DIAPH1: variants seen among roughly 807,000 people sequenced by gnomAD.
DIAPH1 encodes diaphanous related formin 1.
DIAPH1 carries 46 observed loss-of-function variants against 140.7 expected under a neutral mutation model. The observed-to-expected ratio is 0.33, with a 90% CI of 0.26 to 0.42. The LOEUF (loss-of-function observed/expected upper bound fraction) is 0.42. Among genes scored for constraint, DIAPH1 ranks in the 10% least tolerant of loss-of-function variants. The pLI, the probability that DIAPH1 is intolerant of heterozygous loss-of-function variation, is 1.00. For synonymous variants in DIAPH1, 565 were observed against 551.6 expected, an observed-to-expected ratio of 1.02 and a Z score of -0.34; for missense variants, 1,310 against 1,558.7, an observed-to-expected ratio of 0.84 and a Z score of 2.69.
chr5:141,550,525 T>C (rs938097884), intron 18 of DIAPH1: 1 of 154,382 alleles, frequency 6.5e-6, no homozygotes, highest in Non-Finnish European at 1.5e-5. Flanking sequence ...AAATCCAAAC[T>C]AGGTAAAGTC....
At chr5:141,547,246 A>G (rs1310092096) in intron 18 of DIAPH1, among the ~76,000 whole-genome samples, 1 of 152,218 alleles carries the variant, frequency 6.6e-6, no homozygotes, top group Non-Finnish European at 1.5e-5. Context: ...CGGGCGGATC[A>G]TGAGGTCAGG....
At position 141,591,695 on chromosome 5, in the gene DIAPH1, GATATATAT is replaced by G. The variant is rs56117502; in HGVS notation, c.118-3453_118-3446del. ...TGGAAAAGGAAGGAAGGGAGATGGGGATATATATATATATATATATATATATATATATG... is the reference window on the plus strand; with the variant it reads ...TGGAAAAGGAAGGAAGGGAGATGGGGATATATATATATATATATATATATG... On this transcript the variant is annotated intron_variant, in intron 1 of 27. Transcript: ENST00000389054. Among the ~76,000 whole-genome samples the G allele has an allele frequency of 7.6e-4, 66 of 86,346 alleles. 4 individuals carry two copies. Among genetic ancestry groups the G allele is most frequent in the South Asian group, 2.1e-3 (5 of 2,332 alleles). 56.6% of individuals were successfully genotyped at this position (86,346 alleles called of 152,430 possible).
chr5:141,580,779 A>C lies in DIAPH1; in HGVS notation c.789T>G (p.Leu263=). The part of the protein sequence containing the change: ...PNMMIDAAKL[L]SALCILPQPE... ...GCTGCGGTAGAATACAAAGAGCAGA[A>C]AGCAGCTTAGCTGCATCAATCATCA... Residue 263 remains leucine, a synonymous_variant, in exon 8 of 28, where the codon CTT becomes CTG. Coordinates refer to ENST00000389054, the MANE Select transcript of DIAPH1 (RefSeq NM_005219.5). 6.2e-7 allele frequency: 1 copy of C among 1,614,234 alleles called. No individual in the cohort carries two copies. Among genetic ancestry groups the C allele is most frequent in the Non-Finnish European group, 8.5e-7 (1 of 1,180,034 alleles).
At chr5:141,525,008 A>T (rs1469662781) in intron 26 of DIAPH1, among the ~76,000 whole-genome samples, 1 of 152,102 alleles carries the variant, frequency 6.6e-6, no homozygotes, top group Non-Finnish European at 1.5e-5. Flanking sequence ...GACCGTGTGC[A>T]GCCCTCATCC....
chr5:141,586,992 T>G (rs376268189), intron 3 of DIAPH1, 50 bp downstream of exon 3: 3 of 1,602,982 alleles, frequency 1.9e-6, no homozygotes, highest in East Asian at 4.5e-5. Context: ...GAGCCCACCA[T>G]GTCCATAAAT....
chr5:141,604,284 A>G (rs947678858), intron 1 of DIAPH1, among the ~76,000 whole-genome samples: 1 of 152,224 alleles, frequency 6.6e-6, no homozygotes, highest in African/African-American at 2.4e-5. Flanking sequence ...ATACATATAC[A>G]GGAAACAAAA....
intron 18 of DIAPH1, among the ~76,000 whole-genome samples, chr5:141,561,168 C>T (rs905914114): frequency 6.6e-6 from 1 of 152,032 alleles, no homozygotes; most frequent in Non-Finnish European, 1.5e-5. Context: ...CAAACACACA[C>T]ACAGGAGAGT....
In DIAPH1 at chr5:141,516,792, CT is replaced by C. The variant is rs1335922308; in HGVS notation, c.*58del. 5.6e-6 allele frequency: 9 copies of C among 1,606,002 alleles called. No individual in the cohort carries two copies. In the African/African-American group the frequency reaches 1.1e-4, roughly 19 times the overall value. ...ATCCCCTTGAGCCTTTAGGCACATG[CT>C]GCAGGGCAGGACAGTCTGCGGCTCC... On this transcript the variant is annotated 3_prime_UTR_variant, in exon 28 of 28. Transcript: ENST00000389054.
At position 141,600,421 on chromosome 5, in the gene DIAPH1, T is replaced by C. The variant is rs149350003; in HGVS notation, c.118-12171A>G. On this transcript the variant is annotated intron_variant, in intron 1 of 27. Transcript: ENST00000389054. ...TCTGACCAACAGAACTATGAGCTAA[T>C]AAGTGTGTTTGTTTTAAGCTAGTAA... Among the ~76,000 whole-genome samples the C allele has an allele frequency of 3.8e-3, 580 of 152,314 alleles. 5 individuals are homozygous for C. The highest frequency in any genetic ancestry group is 0.011 in the Admixed American group (167 of 15,306).
chr5:141,584,029 C>T (rs909442191), intron 4 of DIAPH1, 95 bp downstream of exon 4: 10 of 740,348 alleles, frequency 1.4e-5, no homozygotes, highest in African/African-American at 8.8e-5. Context: ...AGAATTGATG[C>T]AGACATAAAA....
intron 3 of DIAPH1, 146 bp from the exon 4 acceptor site, chr5:141,584,371 C>G: frequency 1.6e-6 from 1 of 634,180 alleles, no homozygotes; most frequent in Non-Finnish European, 2.8e-6. Context: ...GAAATTTAAG[C>G]TATTACAGCT....
rs910343144 is a variant in DIAPH1, at chr5:141,576,784, G to T, written c.1368C>A (p.His456Gln). ...TTAATCCCTCAATCTCAATCTGGAG[G>T]TGCCGGCACTTGAAGTCAGGATCAG... ...NGADPDFKCR[H>Q]LQIEIEGLID... The change falls in exon 13 of 28, where the codon CAC (histidine) becomes CAA (glutamine). Residue 456 changes from histidine (H) to glutamine (Q), a missense_variant. By Grantham distance (24) the His-to-Gln change is conservative. This residue lies in a region of DIAPH1 where 589 missense variants were observed against 549.3 expected (regional missense o/e 1.07). Transcript: ENST00000389054. 4 of 1,613,364 alleles carry T rather than the reference G, an allele frequency of 2.5e-6. No homozygotes were observed. Among genetic ancestry groups the T allele is most frequent in the Non-Finnish European group, 3.4e-6 (4 of 1,179,452 alleles).
At chr5:141,614,910 A>G (rs1305537922) in intron 1 of DIAPH1, among the ~76,000 whole-genome samples, 2 of 152,162 alleles carry the variant, frequency 1.3e-5, no homozygotes, top group Non-Finnish European at 2.9e-5. Context: ...TTTTCTGCAA[A>G]CTTTTGGATT....
At chr5:141,566,193 T>C (rs1271731736) in intron 18 of DIAPH1, among the ~76,000 whole-genome samples, 1 of 151,968 alleles carries the variant, frequency 6.6e-6, no homozygotes, top group Non-Finnish European at 1.5e-5. Flanking sequence ...AGAACCTGGG[T>C]GGTATGACAT....
chr5:141,574,004 G>A lies in DIAPH1; in HGVS notation c.1846C>T (p.Pro616Ser), dbSNP rs1436359093. The change falls in exon 16 of 28, where the codon CCT (proline) becomes TCT (serine). Residue 616 changes from proline to serine, a missense_variant. By Grantham distance (74) the Pro-to-Ser change is moderately conservative. Around this residue, in one of 3 missense-constraint regions of DIAPH1, gnomAD observed 589 missense variants for 549.3 expected, o/e 1.07. Coordinates refer to ENST00000389054, the MANE Select transcript of DIAPH1 (RefSeq NM_005219.5). ...CCCCCAGGCAAAGGAGGTGGAGGAG[G>A]AGGAGGAGGAGGAGGAGGAGGAGGA... ...TTPPPPPPPP[P>S]PPPPLPGGVC... 5 of 1,548,378 alleles carry A rather than the reference G, an allele frequency of 3.2e-6. No individual in the cohort carries two copies. The highest frequency in any genetic ancestry group is 2.6e-6 in the Non-Finnish European group (3 of 1,146,028).
intron 18 of DIAPH1, among the ~76,000 whole-genome samples, chr5:141,540,821 A>G (rs1384190246): frequency 6.6e-6 from 1 of 150,688 alleles, no homozygotes; most frequent in Non-Finnish European, 1.5e-5. Context: ...GCACTTTGGG[A>G]GGCTGAGGTG....
chr5:141,598,841 A>G (rs1028956624), intron 1 of DIAPH1, among the ~76,000 whole-genome samples: 2 of 152,184 alleles, frequency 1.3e-5, no homozygotes, highest in African/African-American at 4.8e-5. Flanking sequence ...GCATATCTGG[A>G]TTTGTTCTTG....
rs551251763 is a variant in DIAPH1, at chr5:141,517,689, A to G, written c.3662-681T>C. Reference sequence around the variant, plus strand: ...GGGGGTGGCATGGCGGGGGGGAGGTAGTAATAAAAACTATGCCAGGGAAGC... The same window carrying G: ...GGGGGTGGCATGGCGGGGGGGAGGTGGTAATAAAAACTATGCCAGGGAAGC... On this transcript the variant is annotated intron_variant, in intron 27 of 27. Coordinates refer to ENST00000389054, the MANE Select transcript of DIAPH1 (RefSeq NM_005219.5). Among the ~76,000 whole-genome samples the G allele has an allele frequency of 1.4e-3, 217 of 152,230 alleles. 1 individual carries two copies. The highest frequency in any genetic ancestry group is 2.5e-3 in the Non-Finnish European group (173 of 68,014).
chr5:141,607,575 T>C (rs571813348), intron 1 of DIAPH1, among the ~76,000 whole-genome samples: 3 of 152,250 alleles, frequency 2.0e-5, no homozygotes, highest in Non-Finnish European at 4.4e-5. Flanking sequence ...TTACAAAATG[T>C]TAAATTTCAA....
Sources: gnomAD v4.1 joint callset for allele counts (sites outside exome capture counted in the v4.1 genomes callset) on GRCh38, gnomAD v4.1.1 for gene constraint, gnomAD v4.1.1 regional missense constraint, MANE v1.5 for transcripts, NCBI Gene and HGNC (gene_info 2026-07-23, HGNC 2026-07-21) for gene names.